The following TMEM209 variants were observed in gnomAD, a reference collection of about 807,000 sequenced individuals.
TMEM209 encodes transmembrane protein 209.
Under a neutral mutation model 76.2 loss-of-function variants are expected in TMEM209, and 65 were observed. The ratio of observed to expected loss-of-function variants is 0.85; its 90% CI spans 0.70 to 1.05. The LOEUF is 1.05. Ranked by LOEUF, TMEM209 falls within the 50% of genes least tolerant of loss-of-function variation. The probability of loss-of-function intolerance (pLI) is 0.00; values close to 1 mark genes in which losing one functional copy is unlikely to be tolerated. For synonymous variants in TMEM209, 239 were observed against 237.6 expected, an observed-to-expected ratio of 1.01 and a Z score of -0.06; for missense variants, 623 against 685.5, an observed-to-expected ratio of 0.91 and a Z score of 1.02.
chr7:130,201,259 T>C (rs1171359296), intron 5 of TMEM209, among the ~76,000 whole-genome samples: 1 of 152,108 alleles, frequency 6.6e-6, no homozygotes, highest in East Asian at 1.9e-4. Flanking sequence ...CGCCCCCTTA[T>C]ATTAATAGTT....
chr7:130,188,371 C>T (rs560089523), intron 6 of TMEM209, among the ~76,000 whole-genome samples: 59 of 152,106 alleles, frequency 3.9e-4, no homozygotes, highest in Middle Eastern at 6.8e-3. Flanking sequence ...CCAAGGCGGG[C>T]GGATCACAAG....
At chr7:130,196,616 T>C (rs538331169) in intron 5 of TMEM209, among the ~76,000 whole-genome samples, 38 of 152,248 alleles carry the variant, frequency 2.5e-4, no homozygotes, top group African/African-American at 6.3e-4. Flanking sequence ...AGTGAGGTCA[T>C]TGGAGTGGGG....
chr7:130,173,660 T>C lies in TMEM209; in HGVS notation c.1529A>G (p.Tyr510Cys). 6.2e-7 allele frequency: 1 copy of C among 1,613,498 alleles called. No individual in the cohort carries two copies. The highest frequency in any genetic ancestry group is 8.5e-7 in the Non-Finnish European group (1 of 1,179,756). ...AINPPHYELIYQRHVYNLPKG... is the reference protein window; with the variant it reads ...AINPPHYELICQRHVYNLPKG... ...TGGCAGGTTGTATACATGACGCTGGTAGATGAGCTCATAATGGGGAGGGTT... is the reference window on the plus strand; with the variant it reads ...TGGCAGGTTGTATACATGACGCTGGCAGATGAGCTCATAATGGGGAGGGTT... The change falls in exon 13 of 15, where the codon TAC becomes TGC. Residue 510 changes from tyrosine (Y) to cysteine (C), a missense_variant. Coordinates refer to ENST00000397622, the MANE Select transcript of TMEM209 (RefSeq NM_032842.4).
Position 130,202,624 on chromosome 7 carries a change from A to T in TMEM209, c.239T>A (p.Phe80Tyr). ...ATATTTGAAATATCTCCAAAAATCA[A>T]ATAAGGCATTAAGGCTGAAGAGAGA... ...LASLFSLNAL[F>Y]DFWRYFKYTV... The change falls in exon 4 of 15, where the codon TTT becomes TAT. Residue 80 changes from phenylalanine to tyrosine, a missense_variant. By Grantham distance (22) the Phe-to-Tyr change is conservative. Coordinates refer to ENST00000397622, the MANE Select transcript of TMEM209 (RefSeq NM_032842.4). 1 of 1,613,934 alleles carries T rather than the reference A, an allele frequency of 6.2e-7. No individual in the cohort carries two copies. Among genetic ancestry groups the T allele is most frequent in the Non-Finnish European group, 8.5e-7 (1 of 1,179,834 alleles).
chr7:130,178,770 T>C (rs1405651457), intron 9 of TMEM209, among the ~76,000 whole-genome samples: 1 of 152,072 alleles, frequency 6.6e-6, no homozygotes, highest in Non-Finnish European at 1.5e-5. Flanking sequence ...ATGTACTTTT[T>C]TTCTTCTTCT....
chr7:130,167,947 T>C (rs1796933371), intron 14 of TMEM209, among the ~76,000 whole-genome samples: 1 of 152,206 alleles, frequency 6.6e-6, no homozygotes, highest in Non-Finnish European at 1.5e-5. Flanking sequence ...TTAAAAACAC[T>C]AGTTTTAGTC....
chr7:130,170,320 G>A, intron 14 of TMEM209, 80 bp downstream of exon 14: 1 of 1,179,346 alleles, frequency 8.5e-7, no homozygotes, highest in Non-Finnish European at 1.2e-6. Context: ...TCAGTTACAT[G>A]CTGCTGCCTT....
At position 130,170,621 on chromosome 7, in the gene TMEM209, C is replaced by A. The variant is rs564128083; in HGVS notation, c.1558-148G>T. 1.7e-5 allele frequency: 11 copies of A among 664,582 alleles called. No homozygotes were observed. The East Asian group carries it at 2.8e-4, about 17-fold the overall frequency. 41.2% of individuals were successfully genotyped at this position (664,582 alleles called of 1,614,324 possible). A position where few individuals can be genotyped will look rare whatever the true frequency, so the allele number is the denominator to read the frequency against. On this transcript the variant is annotated intron_variant, in intron 13 of 14. Coordinates refer to ENST00000397622, the MANE Select transcript of TMEM209 (RefSeq NM_032842.4). Reference sequence around the variant, plus strand: ...ATTTATTTATTAAACAAAGTACCTACGCTTTGTGCTAGGAAGTGGGAATAC... The same window carrying A: ...ATTTATTTATTAAACAAAGTACCTAAGCTTTGTGCTAGGAAGTGGGAATAC...
At position 130,201,907 on chromosome 7, in the gene TMEM209, A is replaced by G. The variant is rs1798217253; in HGVS notation, c.516T>C (p.Gly172=). The G allele has an allele frequency of 5.0e-6, 8 of 1,613,908 alleles. No homozygotes were observed. The highest frequency in any genetic ancestry group is 8.5e-7 in the Non-Finnish European group (1 of 1,179,874). Residue 172 remains glycine, a synonymous_variant, in exon 5 of 15, where the codon GGT becomes GGC. Transcript: ENST00000397622. The part of the protein sequence containing the change: ...YSPQLQGLSS[G]GSGSYSPGVT... Reference sequence around the variant, plus strand: ...CTCCAGGGCTATAAGAACCACTGCCACCTGAGGACAGACCTTGCAGCTGAG... The same window carrying G: ...CTCCAGGGCTATAAGAACCACTGCCGCCTGAGGACAGACCTTGCAGCTGAG...
chr7:130,169,194 C>CAAAA (rs11463128), intron 14 of TMEM209, among the ~76,000 whole-genome samples: 1 of 74,884 alleles, frequency 1.3e-5, no homozygotes, highest in Non-Finnish European at 2.8e-5. Flanking sequence ...GACTCCATCT[C>CAAAA]AAAAAAAAAA....
chr7:130,200,297 C>T (rs1050305730), intron 5 of TMEM209, among the ~76,000 whole-genome samples: 3 of 152,156 alleles, frequency 2.0e-5, no homozygotes, highest in Non-Finnish European at 4.4e-5. Flanking sequence ...TTAAAAGTTA[C>T]GATAGACTAT....
chr7:130,182,655 G>A (rs1169742464), intron 8 of TMEM209, among the ~76,000 whole-genome samples: 2 of 152,132 alleles, frequency 1.3e-5, no homozygotes, highest in African/African-American at 4.8e-5. Flanking sequence ...TCTGGTTTGT[G>A]TGTTATTATT....
At chr7:130,180,889 T>G (rs1286139153) in intron 9 of TMEM209, among the ~76,000 whole-genome samples, 1 of 152,196 alleles carries the variant, frequency 6.6e-6, no homozygotes, top group Non-Finnish European at 1.5e-5. Flanking sequence ...CTAGGTGCTT[T>G]AGAAGAGTCT....
intron 13 of TMEM209, among the ~76,000 whole-genome samples, chr7:130,171,920 C>A (rs948500938): frequency 6.6e-6 from 1 of 152,134 alleles, no homozygotes; most frequent in Non-Finnish European, 1.5e-5. Context: ...GTAGTCCCAG[C>A]TACTCAGGAG....
chr7:130,198,328 G>T (rs931385582), intron 5 of TMEM209, among the ~76,000 whole-genome samples: 2 of 152,048 alleles, frequency 1.3e-5, no homozygotes, highest in Non-Finnish European at 2.9e-5. Flanking sequence ...AAACAAAAAT[G>T]GGTAGGGCGA....
At position 130,166,035 on chromosome 7, in the gene TMEM209, G is replaced by A. The variant is rs138641681; in HGVS notation, c.*416C>T. 9.1e-5 allele frequency: 14 copies of A among 153,798 alleles called. No individual in the cohort carries two copies. Among genetic ancestry groups the A allele is most frequent in the Non-Finnish European group, 1.6e-4 (11 of 69,818 alleles). 9.5% of individuals were successfully genotyped at this position (153,798 alleles called of 1,614,324 possible). On this transcript the variant is annotated 3_prime_UTR_variant, in exon 15 of 15. Coordinates refer to ENST00000397622, the MANE Select transcript of TMEM209 (RefSeq NM_032842.4). ...ATCGTGCCACTGCACTCCAGTCTGC[G>A]TTGACAGAGACCCTCTCTAAAAAAA...
rs747276995 is a variant in TMEM209, at chr7:130,201,983, G to C, written c.440C>G (p.Ser147Trp). The change falls in exon 5 of 15, where the codon TCG (serine) becomes TGG (tryptophan). Residue 147 changes from serine (S) to tryptophan (W), a missense_variant. Physicochemically the swap from Ser to Trp is radical, Grantham distance 177. Coordinates refer to ENST00000397622, the MANE Select transcript of TMEM209 (RefSeq NM_032842.4). ...GGTGAACTTGGGACTGGTACTGGGC[G>C]AACGAGAAGGGCTATAACTCAACAC... is the stretch of plus-strand genomic sequence containing the variant. ...QSVLSYSPSR[S>W]PSTSPKFTTS... 6.2e-7 allele frequency: 1 copy of C among 1,613,758 alleles called. No homozygotes were observed. The highest frequency in any genetic ancestry group is 1.3e-5 in the African/African-American group (1 of 74,858).
chr7:130,197,821 C>T (rs1798041937), intron 5 of TMEM209, among the ~76,000 whole-genome samples: 1 of 152,174 alleles, frequency 6.6e-6, no homozygotes, highest in Non-Finnish European at 1.5e-5. Context: ...ATTTGCTCTG[C>T]TGATTTGACA....
intron 10 of TMEM209, among the ~76,000 whole-genome samples, chr7:130,178,029 A>C (rs768334931): frequency 1.3e-5 from 2 of 152,184 alleles, no homozygotes; most frequent in Non-Finnish European, 2.9e-5. Flanking sequence ...CTGATTCTCA[A>C]GTCAGTCTCC....
Sources: allele counts gnomAD v4.1 joint callset (sites outside exome capture counted in the v4.1 genomes callset), GRCh38; gene constraint gnomAD v4.1.1; transcripts MANE v1.5; gene names NCBI Gene and HGNC (gene_info 2026-07-23, HGNC 2026-07-21).